The following DCLK3 variants were observed in gnomAD, a reference collection of about 807,000 sequenced individuals.
The protein encoded by DCLK3 is doublecortin like kinase 3, also known as serine/threonine-protein kinase DCLK3.
Under a neutral mutation model 46.4 loss-of-function variants are expected in DCLK3, and 30 were observed. The observed-to-expected ratio is 0.65, with a 90% CI of 0.48 to 0.88. The LOEUF (loss-of-function observed/expected upper bound fraction) is 0.88. DCLK3 is among the 40% of genes least tolerant of loss of function. DCLK3 has a pLI of 0.00. For missense variants in DCLK3, 846 were observed against 907.1 expected, an observed-to-expected ratio of 0.93 and a Z score of 0.87; for synonymous variants, 401 against 339.2, an observed-to-expected ratio of 1.18 and a Z score of -2.00.
At chr3:36,724,934 A>G (rs939426375) in intron 2 of DCLK3, among the ~76,000 whole-genome samples, 1 of 151,928 alleles carries the variant, frequency 6.6e-6, no homozygotes, top group Non-Finnish European at 1.5e-5. Flanking sequence ...GAGTCTTTGA[A>G]CAATTCCAAC....
At chr3:36,718,609 C>T (rs971814365) in intron 3 of DCLK3, among the ~76,000 whole-genome samples, 1 of 152,218 alleles carries the variant, frequency 6.6e-6, no homozygotes, top group African/African-American at 2.4e-5. Context: ...TAGTCACATG[C>T]AGCAGGACCG....
chr3:36,751,841 C>T (rs1384493468), intron 1 of DCLK3, among the ~76,000 whole-genome samples: 1 of 152,228 alleles, frequency 6.6e-6, no homozygotes, highest in East Asian at 1.9e-4. Flanking sequence ...CACGGAAGAA[C>T]CCAATAAATC....
Position 36,721,555 on chromosome 3 carries a change from G to T in DCLK3, c.2064C>A (p.Tyr688Ter). The change falls in exon 3 of 5, where the codon TAC becomes TAA. Residue 688 changes from tyrosine (Y) to a stop codon, truncating the protein, a stop_gained. Transcript: ENST00000636136. LOFTEE classifies it high-confidence loss of function. ...TCTCAGAAAGAATTTCGGGAGCTAC[G>T]TAAGTTGGGGTCCCACACACAGTAA... ...PIFTVCGTPTYVAPEILSEKG... is the reference protein window; with the variant it reads ...PIFTVCGTPT The T allele has an allele frequency of 6.2e-7, 1 of 1,614,096 alleles. No homozygotes were observed. The highest frequency in any genetic ancestry group is 8.5e-7 in the Non-Finnish European group (1 of 1,180,002).
intron 4 of DCLK3, among the ~76,000 whole-genome samples, chr3:36,716,126 T>C (rs562539885): frequency 5.3e-5 from 8 of 152,310 alleles, no homozygotes; most frequent in South Asian, 4.1e-4. Context: ...CCCAAGACCA[T>C]GACTGATTTT....
chr3:36,731,561 C>T (rs1701199428), intron 2 of DCLK3, among the ~76,000 whole-genome samples: 2 of 152,084 alleles, frequency 1.3e-5, no homozygotes, highest in East Asian at 1.9e-4. Flanking sequence ...TCTCTTATCC[C>T]CATAACTACA....
chr3:36,742,386 C>A (rs1701352575), intron 1 of DCLK3, among the ~76,000 whole-genome samples: 1 of 152,196 alleles, frequency 6.6e-6, no homozygotes, highest in Non-Finnish European at 1.5e-5. Flanking sequence ...AATCTGGGAA[C>A]ATCCCATCCC....
intron 2 of DCLK3, among the ~76,000 whole-genome samples, chr3:36,732,161 T>C (rs1331295675): frequency 6.6e-6 from 1 of 152,204 alleles, no homozygotes; most frequent in Non-Finnish European, 1.5e-5. Context: ...ATCCACCAAG[T>C]TGATAAATAG....
intron 1 of DCLK3, among the ~76,000 whole-genome samples, chr3:36,752,961 T>G (rs1701456115): frequency 6.6e-6 from 1 of 152,216 alleles, no homozygotes; most frequent in African/African-American, 2.4e-5. Context: ...ATGGTAATCA[T>G]CAGTGATGTC....
chr3:36,723,559 C>T (rs775187696), intron 2 of DCLK3, among the ~76,000 whole-genome samples: 30 of 152,174 alleles, frequency 2.0e-4, no homozygotes, highest in Non-Finnish European at 3.8e-4. Flanking sequence ...CCAGGATCCC[C>T]ATGCTGTGTG....
At chr3:36,761,540 C>T (rs929956337) in intron 1 of DCLK3, among the ~76,000 whole-genome samples, 20 of 152,174 alleles carry the variant, frequency 1.3e-4, no homozygotes, top group African/African-American at 4.1e-4. Context: ...AACTCCCCCA[C>T]GTATGCATCT....
chr3:36,754,993 T>C (rs1701473493), intron 1 of DCLK3, among the ~76,000 whole-genome samples: 1 of 152,236 alleles, frequency 6.6e-6, no homozygotes, highest in South Asian at 2.1e-4. Flanking sequence ...GTGAAGCTTA[T>C]ATGTACATAC....
chr3:36,717,428 C>A (rs1700998139), intron 4 of DCLK3, among the ~76,000 whole-genome samples: 1 of 152,144 alleles, frequency 6.6e-6, no homozygotes, highest in Non-Finnish European at 1.5e-5. Flanking sequence ...GCTAAAGACT[C>A]AAAATCCCCA....
In DCLK3 at chr3:36,712,870, G is replaced by A. The variant is rs180676267; in HGVS notation, c.*2458C>T. On this transcript the variant is annotated 3_prime_UTR_variant, in exon 5 of 5. Coordinates refer to ENST00000636136, the MANE Select transcript of DCLK3 (RefSeq NM_001394672.2). ...CCCATTCAAGATGTTTCCACTTTGG[G>A]GCTACTACAAATAAAGCACCTATAA... The A allele has an allele frequency of 6.6e-6, 1 of 152,130 alleles. No individual in the cohort carries two copies. Among genetic ancestry groups the A allele is most frequent in the Non-Finnish European group, 1.5e-5 (1 of 68,024 alleles). 9.4% of individuals were successfully genotyped at this position (152,130 alleles called of 1,614,324 possible).
At chr3:36,756,988 A>C (rs1225213175) in intron 1 of DCLK3, among the ~76,000 whole-genome samples, 6 of 151,934 alleles carry the variant, frequency 3.9e-5, no homozygotes, top group Non-Finnish European at 8.8e-5. Flanking sequence ...AGGAGAGAGC[A>C]TAAGTTTCTC....
intron 3 of DCLK3, among the ~76,000 whole-genome samples, chr3:36,719,946 C>G (rs1000757536): frequency 3.3e-5 from 5 of 152,232 alleles, no homozygotes; most frequent in Non-Finnish European, 7.3e-5. Context: ...GTCTAAACAT[C>G]TCTAACCAGT....
At chr3:36,732,555 C>T (rs928754083) in intron 2 of DCLK3, among the ~76,000 whole-genome samples, 1 of 152,194 alleles carries the variant, frequency 6.6e-6, no homozygotes, top group East Asian at 1.9e-4. Context: ...CTCACTGACT[C>T]GATCAAAATT....
rs144587975 is a variant in DCLK3 at position 36,731,741 on chromosome 3, C to A, written c.1959+5467G>T. On this transcript the variant is annotated intron_variant, in intron 2 of 4. Transcript: ENST00000636136. ...CACTTCTCCCCATCTTTACTGCGGT[C>A]CCCAAGACCAAGCCACCATCATCTC... Among the ~76,000 whole-genome samples, 20 of 152,288 alleles carry A rather than the reference C, an allele frequency of 1.3e-4. No homozygotes were observed. The East Asian group carries it at 3.7e-3, about 28-fold the overall frequency.
chr3:36,752,946 A>G (rs1294576071), intron 1 of DCLK3, among the ~76,000 whole-genome samples: 1 of 152,232 alleles, frequency 6.6e-6, no homozygotes, highest in East Asian at 1.9e-4. Context: ...ATGAACAAAT[A>G]GTTCATGGTA....
At chr3:36,755,156 G>A (rs9820240) in intron 1 of DCLK3, among the ~76,000 whole-genome samples, 40,690 of 152,054 alleles carry the variant, frequency 0.27, 5,695 homozygotes, top group Non-Finnish European at 0.32. Flanking sequence ...AATTAGAAAA[G>A]CCGTTTAAAT....
Sources: gnomAD v4.1 joint callset for allele counts (sites outside exome capture counted in the v4.1 genomes callset) on GRCh38, gnomAD v4.1.1 for gene constraint, MANE v1.5 for transcripts, NCBI Gene and HGNC (gene_info 2026-07-23, HGNC 2026-07-21) for gene names.